TYROBP: variants seen among roughly 807,000 people sequenced by gnomAD.
TYROBP encodes the protein TYRO protein tyrosine kinase-binding protein.
Under a neutral mutation model 17.1 loss-of-function variants are expected in TYROBP, and 14 were observed. That is an observed-to-expected ratio of 0.82 (90% confidence interval 0.54 to 1.28). The LOEUF is 1.28. Ranked by LOEUF, TYROBP falls within the 50% of genes most tolerant of loss-of-function variation. TYROBP has a pLI of 0.00. For synonymous variants in TYROBP, 73 were observed against 67.4 expected, an observed-to-expected ratio of 1.08 and a Z score of -0.41; for missense variants, 161 against 151.4, an observed-to-expected ratio of 1.06 and a Z score of -0.33.
At chr19:35,908,139 G>C (rs1295170894) in intron 1 of TYROBP, 29 bp downstream of exon 1, 5 of 1,608,772 alleles carry the variant, frequency 3.1e-6, no homozygotes. Flanking sequence ...CAGGGACCCG[G>C]GAGGCAGCCA....
In TYROBP at chr19:35,907,249, T is replaced by C. The variant is rs756950430; in HGVS notation, c.245A>G (p.Gln82Arg). The change falls in exon 4 of 5, where the codon CAG (glutamine) becomes CGG (arginine). Residue 82 changes from glutamine (Q) to arginine (R), a missense_variant. Physicochemically the swap from Gln to Arg is conservative, Grantham distance 43. Coordinates refer to ENST00000262629, the MANE Select transcript of TYROBP (RefSeq NM_003332.4). ...RGAAEAATRK[Q>R]RITETESPYQ... ...AGGCGACTCGGTCTCAGTGATACGCTGTTTCCGGGTCGCTGCTGGAGGTGA... is the reference window on the plus strand; with the variant it reads ...AGGCGACTCGGTCTCAGTGATACGCCGTTTCCGGGTCGCTGCTGGAGGTGA... 3 of 1,609,248 alleles carry C rather than the reference T, an allele frequency of 1.9e-6. No individual in the cohort carries two copies. Among genetic ancestry groups the C allele is most frequent in the East Asian group, 2.2e-5 (1 of 44,774 alleles).
chr19:35,906,808 A>G (rs1270879371), intron 4 of TYROBP, among the ~76,000 whole-genome samples: 1 of 148,638 alleles, frequency 6.7e-6, no homozygotes, highest in East Asian at 2.0e-4. Flanking sequence ...GCTCACTGCA[A>G]CCTCCGCCTC....
chr19:35,907,401 C>CCCCCA, intron 3 of TYROBP, 45 bp downstream of exon 3: 1 of 1,600,932 alleles, frequency 6.2e-7, no homozygotes, highest in Non-Finnish European at 8.6e-7. Flanking sequence ...CCCCCCACCC[C>CCCCCA]CATCTAGGCA....
chr19:35,904,747 T>A, intron 4 of TYROBP, 113 bp from the exon 5 acceptor site: 1 of 940,770 alleles, frequency 1.1e-6, no homozygotes, highest in South Asian at 1.4e-5. Flanking sequence ...ATGAAAGAGA[T>A]CCGGATTTTA....
rs1975747815 is a variant in TYROBP at position 35,907,265 on chromosome 19, C to G, written c.230-1G>C. On this transcript the variant is annotated splice_acceptor_variant, in intron 3 of 4. Coordinates refer to ENST00000262629, the MANE Select transcript of TYROBP (RefSeq NM_003332.4). LOFTEE classifies it high-confidence loss of function. ...GTGATACGCTGTTTCCGGGTCGCTG[C>G]TGGAGGTGAGGGGTGTTGTGGGGTG... is the stretch of plus-strand genomic sequence containing the variant. 6.2e-7 allele frequency: 1 copy of G among 1,610,800 alleles called. No homozygotes were observed. The highest frequency in any genetic ancestry group is 1.7e-5 in the Admixed American group (1 of 59,096).
In TYROBP at chr19:35,908,174, C is replaced by T; in HGVS notation, c.55G>A (p.Val19Ile). 2 of 1,613,890 alleles carry T rather than the reference C, an allele frequency of 1.2e-6. No homozygotes were observed. The highest frequency in any genetic ancestry group is 1.7e-6 in the Non-Finnish European group (2 of 1,179,918). ...RLLLLPLLLA[V>I]SGLRPVQAQA... ...ACGGAAGCCCCTAACTCACCACTTA[C>T]AGCCAGCAGGAGAGGCAGGAGCAGG... The change falls in exon 1 of 5, where the codon GTA becomes ATA. Residue 19 changes from valine to isoleucine, a missense_variant. Val to Ile is a conservative substitution (Grantham distance 29). Coordinates refer to ENST00000262629, the MANE Select transcript of TYROBP (RefSeq NM_003332.4).
chr19:35,906,984 T>C (rs1391191224), intron 4 of TYROBP, among the ~76,000 whole-genome samples: 1 of 152,192 alleles, frequency 6.6e-6, no homozygotes, highest in Admixed American at 6.5e-5. Flanking sequence ...CCCAAAGTGC[T>C]GGGATTACAG....
chr19:35,904,614 C>T lies in TYROBP; in HGVS notation c.297G>A (p.Ser99=), dbSNP rs767843323. 1.4e-5 allele frequency: 22 copies of T among 1,613,246 alleles called. No individual in the cohort carries two copies. Among genetic ancestry groups the T allele is most frequent in the African/African-American group, 9.4e-5 (7 of 74,816 alleles). The change falls in exon 5 of 5, where the codon TCG becomes TCA. Residue 99 remains serine, a synonymous_variant. Transcript: ENST00000262629. ...SPYQELQGQR[S]DVYSDLNTQR... is the part of the protein sequence containing the mutation. ...GTGTGTTGAGGTCGCTGTAGACATC[C>T]GACCTCTGACCCTGGAGCTCCTAAA...
chr19:35,907,135 T>A, intron 4 of TYROBP, 83 bp downstream of exon 4: 1 of 1,377,274 alleles, frequency 7.3e-7, no homozygotes, highest in Non-Finnish European at 1.0e-6. Flanking sequence ...GGCTTTGAGG[T>A]CCCTCTGATG....
chr19:35,904,709 C>T, intron 4 of TYROBP, 75 bp from the exon 5 acceptor site: 1 of 1,395,888 alleles, frequency 7.2e-7, no homozygotes, highest in Non-Finnish European at 1.0e-6. Context: ...CCTGCAAGGC[C>T]CCTGGCAGCT....
At chr19:35,907,389 A>T in intron 3 of TYROBP, 57 bp downstream of exon 3, 21 of 1,146,094 alleles carry the variant, frequency 1.8e-5, no homozygotes, top group South Asian at 2.5e-5. Flanking sequence ...GAGTTTACCC[A>T]GCCCCCCACC....
At chr19:35,908,074 C>T in intron 1 of TYROBP, 94 bp downstream of exon 1, 1 of 1,148,998 alleles carries the variant, frequency 8.7e-7, no homozygotes, top group Non-Finnish European at 1.3e-6. Flanking sequence ...CATCCCAACA[C>T]CCACTTTTGG....
rs755244402 is a variant in TYROBP, at chr19:35,907,712, T to G, written c.94+18A>C. On this transcript the variant is annotated intron_variant, in intron 2 of 4. Transcript: ENST00000262629. The stretch of plus-strand genomic sequence containing the variant: ...GTCTCTGGGAGGTAGAGAGAGGGAC[T>G]GCTGGGTCTAGGCCTACCGCTCTGG... The G allele has an allele frequency of 2.5e-6, 4 of 1,613,908 alleles. No homozygotes were observed. The South Asian group carries it at 3.3e-5, about 13-fold the overall frequency.
At chr19:35,908,111 C>CCA (rs765135090) in intron 1 of TYROBP, 57 bp downstream of exon 1, 859 of 1,508,142 alleles carry the variant, frequency 5.7e-4, no homozygotes, top group Non-Finnish European at 7.1e-4. Context: ...CACTCCCTGC[C>CCA]CTGCCCCAAG....
chr19:35,907,604 G>A (rs1257781977), intron 2 of TYROBP, 24 bp from the exon 3 acceptor site: 1 of 1,614,038 alleles, frequency 6.2e-7, no homozygotes, highest in Admixed American at 1.7e-5. Context: ...GTCAGGGGAG[G>A]TCAGTGTGTG....
chr19:35,906,044 T>C (rs1276844387), intron 4 of TYROBP, among the ~76,000 whole-genome samples: 1 of 151,960 alleles, frequency 6.6e-6, no homozygotes, highest in Non-Finnish European at 1.5e-5. Flanking sequence ...CCCAAGATTT[T>C]CGGAGGCTGA....
rs1306478619 is a variant in TYROBP, at chr19:35,904,515, G to A, written c.*54C>T. 6.3e-7 allele frequency: 1 copy of A among 1,576,390 alleles called. No homozygotes were observed. Among genetic ancestry groups the A allele is most frequent in the East Asian group, 2.2e-5 (1 of 44,588 alleles). ...GGAGTTGGAATGAGGTGCAGGGTGG[G>A]CTTCAGGAATGGCTGGATCCAGGTA... On this transcript the variant is annotated 3_prime_UTR_variant, in exon 5 of 5. Transcript: ENST00000262629.
intron 4 of TYROBP, among the ~76,000 whole-genome samples, chr19:35,905,566 A>G (rs1324080345): frequency 2.0e-5 from 3 of 151,716 alleles, no homozygotes; most frequent in Admixed American, 1.3e-4. Context: ...TAATCCCAGC[A>G]CTTTGGGAGA....
chr19:35,907,840 G>A, intron 1 of TYROBP, 78 bp from the exon 2 acceptor site: 8 of 1,502,004 alleles, frequency 5.3e-6, no homozygotes, highest in Non-Finnish European at 7.3e-6. Context: ...AGCCAGGGAA[G>A]GTGGATCCTG....
Sources: gnomAD v4.1 joint callset for allele counts (sites outside exome capture counted in the v4.1 genomes callset) on GRCh38, gnomAD v4.1.1 for gene constraint, MANE v1.5 for transcripts, NCBI Gene and HGNC (gene_info 2026-07-23, HGNC 2026-07-21) for gene names.